The following TRAF3 variants were observed in gnomAD, a reference collection of about 807,000 sequenced individuals.
TRAF3 encodes the protein TNF receptor associated factor 3.
TRAF3 carries 13 observed loss-of-function variants against 62.3 expected under a neutral mutation model. The ratio of observed to expected loss-of-function variants is 0.21; its 90% CI spans 0.14 to 0.33. TRAF3 has a LOEUF of 0.33. Among genes scored for constraint, TRAF3 ranks in the 10% least tolerant of loss-of-function variants. TRAF3 has a pLI of 1.00. For synonymous variants in TRAF3, 269 were observed against 283.4 expected, an observed-to-expected ratio of 0.95 and a Z score of 0.51; for missense variants, 440 against 741.8, an observed-to-expected ratio of 0.59 and a Z score of 4.73.
chr14:102,833,586 A>G (rs2139642781), intron 2 of TRAF3, among the ~76,000 whole-genome samples: 1 of 152,352 alleles, frequency 6.6e-6, no homozygotes, highest in Non-Finnish European at 1.5e-5. Flanking sequence ...GTTTGGAAAC[A>G]CTAGAAAAAT....
chr14:102,843,613 C>T (rs531556975), intron 2 of TRAF3, among the ~76,000 whole-genome samples: 3 of 152,332 alleles, frequency 2.0e-5, no homozygotes, highest in East Asian at 1.9e-4. Flanking sequence ...GCTGGGATTA[C>T]AGGCGTGAGA....
intron 2 of TRAF3, among the ~76,000 whole-genome samples, chr14:102,839,279 C>T (rs748612654): frequency 1.6e-5 from 2 of 123,830 alleles, no homozygotes; most frequent in Admixed American, 1.0e-4. Flanking sequence ...AGTGCAGTGG[C>T]GCGATCTTCG....
chr14:102,872,695 T>C (rs1470217961), intron 4 of TRAF3, among the ~76,000 whole-genome samples: 3 of 116,196 alleles, frequency 2.6e-5, no homozygotes, highest in Non-Finnish European at 4.7e-5. Context: ...TCTTTCTTCT[T>C]TTTCTTTTTT....
intron 1 of TRAF3, among the ~76,000 whole-genome samples, chr14:102,805,953 G>A (rs1898746183): frequency 6.9e-6 from 1 of 143,908 alleles, no homozygotes; most frequent in African/African-American, 2.5e-5. Flanking sequence ...TTCCTTGGTT[G>A]TAGTTACATG....
intron 6 of TRAF3, among the ~76,000 whole-genome samples, chr14:102,880,504 TTGG>T (rs773712284): frequency 1.3e-5 from 2 of 152,176 alleles, no homozygotes; most frequent in African/African-American, 4.8e-5. Flanking sequence ...TTTTACACTG[TTGG>T]TGGGAGTGTA....
chr14:102,910,336 T>G lies in TRAF3; in HGVS notation c.*4552T>G, dbSNP rs557696685. The G allele has an allele frequency of 6.6e-6, 1 of 152,292 alleles. No homozygotes were observed. Among genetic ancestry groups the G allele is most frequent in the Non-Finnish European group, 1.5e-5 (1 of 68,070 alleles). The allele number at this position is 152,292 out of a possible 1,614,324, so 9.4% of individuals were successfully genotyped here. A position where few individuals can be genotyped will look rare whatever the true frequency, so the allele number is the denominator to read the frequency against. ...AGAGTGGGGGAAGCCCCCTTGCTTTTGTATCTGTGAGGTGAATGAGGGTCT... is the reference window on the plus strand; with the variant it reads ...AGAGTGGGGGAAGCCCCCTTGCTTTGGTATCTGTGAGGTGAATGAGGGTCT... On this transcript the variant is annotated 3_prime_UTR_variant, in exon 12 of 12. Transcript: ENST00000392745.
intron 2 of TRAF3, among the ~76,000 whole-genome samples, chr14:102,837,604 C>T (rs986506584): frequency 3.3e-5 from 5 of 151,404 alleles, no homozygotes; most frequent in Non-Finnish European, 7.4e-5. Flanking sequence ...AGGGAGTAAA[C>T]AAACTCTGGC....
intron 1 of TRAF3, among the ~76,000 whole-genome samples, chr14:102,822,954 C>T (rs887199907): frequency 1.3e-4 from 20 of 150,506 alleles, no homozygotes; most frequent in South Asian, 4.2e-4. Context: ...TGCGGTGAGC[C>T]GAGATCACGC....
intron 10 of TRAF3, among the ~76,000 whole-genome samples, chr14:102,901,625 T>G (rs1890306807): frequency 6.6e-6 from 1 of 152,152 alleles, no homozygotes; most frequent in Non-Finnish European, 1.5e-5. Flanking sequence ...AGTGTCAGTT[T>G]AAAGGGACAG....
intron 1 of TRAF3, among the ~76,000 whole-genome samples, chr14:102,785,695 C>T (rs1352077694): frequency 6.6e-6 from 1 of 152,174 alleles, no homozygotes; most frequent in African/African-American, 2.4e-5. Flanking sequence ...TTGGAGAATA[C>T]TTTAGCTCTT....
chr14:102,878,718 G>A (rs764125147), intron 6 of TRAF3, among the ~76,000 whole-genome samples: 1 of 152,186 alleles, frequency 6.6e-6, no homozygotes, highest in Non-Finnish European at 1.5e-5. Context: ...CAGTGGGGGA[G>A]CATGTGGACC....
rs960226838 is a variant in TRAF3, at chr14:102,903,621, G to T, written c.1135+192G>T. On this transcript the variant is annotated intron_variant, in intron 11 of 11. Coordinates refer to ENST00000392745, the MANE Select transcript of TRAF3 (RefSeq NM_145725.3). This position sits in a 1 kb window ranked among gnomAD's most constrained non-coding sequence, Gnocchi z 6.4. ...CCCAGCAAAGACAAACGTTTCCCGC[G>T]CAGGCTTGTCCCCTCCGTGTGAGGC... 5.9e-6 allele frequency: 5 copies of T among 849,352 alleles called. No homozygotes were observed. The highest frequency in any genetic ancestry group is 5.0e-5 in the African/African-American group (3 of 59,888). 52.6% of individuals were successfully genotyped at this position (849,352 alleles called of 1,614,324 possible).
chr14:102,851,685 A>G (rs564221433), intron 2 of TRAF3, among the ~76,000 whole-genome samples: 1 of 152,210 alleles, frequency 6.6e-6, no homozygotes, highest in South Asian at 2.1e-4. Flanking sequence ...CGGAGCTTGC[A>G]GTGAGCCGAG....
At position 102,907,038 on chromosome 14, in the gene TRAF3, T is replaced by A. The variant is rs887038761; in HGVS notation, c.*1254T>A. On this transcript the variant is annotated 3_prime_UTR_variant, in exon 12 of 12. Coordinates refer to ENST00000392745, the MANE Select transcript of TRAF3 (RefSeq NM_145725.3). Reference sequence around the variant, plus strand: ...AAGGGCCCTCAGACACCTCTGCACCTGCTGAGGGGAAGCCAGGCTCCACCG... The same window carrying A: ...AAGGGCCCTCAGACACCTCTGCACCAGCTGAGGGGAAGCCAGGCTCCACCG... 10 of 152,238 alleles carry A rather than the reference T, an allele frequency of 6.6e-5. No individual in the cohort carries two copies. Among genetic ancestry groups the A allele is most frequent in the African/African-American group, 2.4e-4 (10 of 41,460 alleles). The allele number at this position is 152,238 out of a possible 1,614,324, so 9.4% of individuals were successfully genotyped here. A position where few individuals can be genotyped will look rare whatever the true frequency, so the allele number is the denominator to read the frequency against.
intron 2 of TRAF3, among the ~76,000 whole-genome samples, chr14:102,845,383 A>G (rs1413422615): frequency 6.7e-6 from 1 of 149,574 alleles, no homozygotes; most frequent in Non-Finnish European, 1.5e-5. Context: ...TTTTATTTTT[A>G]GTAGAGATGG....
intron 2 of TRAF3, among the ~76,000 whole-genome samples, chr14:102,869,804 T>TAAA (rs1168298718): frequency 7.5e-6 from 1 of 132,930 alleles, no homozygotes. Flanking sequence ...AGACTCCGTC[T>TAAA]AAAAAAAAAA....
rs146439927 is a variant in TRAF3 at position 102,811,728 on chromosome 14, AGTGTGTGTGTGT to A, written c.-156-18583_-156-18572del. Among the ~76,000 whole-genome samples the A allele has an allele frequency of 1.7e-4, 23 of 138,598 alleles. 1 individual carries two copies. The highest frequency in any genetic ancestry group is 9.6e-4 in the South Asian group (4 of 4,180). 90.9% of individuals were successfully genotyped at this position (138,598 alleles called of 152,430 possible). On this transcript the variant is annotated intron_variant, in intron 1 of 11. Coordinates refer to ENST00000392745, the MANE Select transcript of TRAF3 (RefSeq NM_145725.3). ...GTGAGGAGGATACTGCTACAGCAGT[AGTGTGTGTGTGT>A]GTGTGTGTGTGTGTGTGTGTGTTTG...
At chr14:102,829,177 A>G (rs1177346858) in intron 1 of TRAF3, among the ~76,000 whole-genome samples, 1 of 152,206 alleles carries the variant, frequency 6.6e-6, no homozygotes, top group Non-Finnish European at 1.5e-5. Flanking sequence ...GGTAATTTAT[A>G]TGTCCAATGC....
intron 1 of TRAF3, among the ~76,000 whole-genome samples, chr14:102,812,745 C>T (rs899173228): frequency 2.0e-5 from 3 of 149,888 alleles, no homozygotes; most frequent in African/African-American, 7.6e-5. Context: ...CGGTGAAACC[C>T]TGTCTTTACT....
Sources: gnomAD v4.1 joint callset for allele counts (sites outside exome capture counted in the v4.1 genomes callset) on GRCh38, gnomAD v4.1.1 for gene constraint, Gnocchi (gnomAD v3.1) non-coding constraint, MANE v1.5 for transcripts, NCBI Gene and HGNC (gene_info 2026-07-23, HGNC 2026-07-21) for gene names.